Variants in SSBP4 observed in about 807,000 individuals in gnomAD.
The protein encoded by SSBP4 is single-stranded DNA-binding protein 4.
In SSBP4, 33 loss-of-function variants were observed where a neutral mutation model predicts 64.6. That is an observed-to-expected ratio of 0.51 (90% CI 0.39 to 0.68). SSBP4 has a LOEUF of 0.68. Ranked by LOEUF, SSBP4 falls within the 30% of genes least tolerant of loss-of-function variation. The pLI is 0.00. For synonymous variants in SSBP4, 243 were observed against 224.0 expected (o/e 1.08, Z -0.76); for missense variants, 583 against 566.8 (o/e 1.03, Z -0.29).
At chr19:18,410,729 TG>T in the SSBP4 span, among the ~76,000 whole-genome samples, 6 of 151,874 alleles carry the variant, frequency 4.0e-5, no homozygotes, top group Admixed American at 1.3e-4. Context: ...AAGGGGATGC[TG>T]GGGGCGGGAC....
rs1972282784 is a variant in SSBP4, at chr19:18,419,567, C to T, written c.-82C>T. Reference sequence around the variant, plus strand: ...GCTCGGGGCGGTGAGGCCCGGGGCGCGGGGTAGCTATGGCGACGGCAAGCG... The same window carrying T: ...GCTCGGGGCGGTGAGGCCCGGGGCGTGGGGTAGCTATGGCGACGGCAAGCG... On this transcript the variant is annotated 5_prime_UTR_variant, in exon 1 of 18. Transcript: ENST00000270061. 2.5e-6 allele frequency: 3 copies of T among 1,190,228 alleles called. No homozygotes were observed. The highest frequency in any genetic ancestry group is 3.1e-6 in the Non-Finnish European group (3 of 958,232). The allele number at this position is 1,190,228 out of a possible 1,614,324, so 73.7% of individuals were successfully genotyped here. A position where few individuals can be genotyped will look rare whatever the true frequency, so the allele number is the denominator to read the frequency against.
At chr19:18,429,310 G>A (rs545051666) in intron 4 of SSBP4, among the ~76,000 whole-genome samples, 11 of 152,040 alleles carry the variant, frequency 7.2e-5, no homozygotes, top group Admixed American at 1.3e-4. Context: ...AGGAAACGCC[G>A]GAGCGCCCAG....
upstream of SSBP4, among the ~76,000 whole-genome samples, chr19:18,417,537 G>A (rs1252042426): frequency 6.6e-6 from 1 of 152,220 alleles, no homozygotes; most frequent in Non-Finnish European, 1.5e-5. The surrounding 1 kb of genome is among the most constrained non-coding windows in gnomAD (Gnocchi z 5.4). Flanking sequence ...GCTGGCGGGG[G>A]CAGTGGTGGG....
intron 15 of SSBP4, 72 bp downstream of exon 15, chr19:18,433,285 C>CA (rs2048627685): frequency 1.3e-6 from 2 of 1,509,962 alleles, no homozygotes; most frequent in African/African-American, 1.4e-5. Context: ...TTCCCCCTGC[C>CA]GTCAGCCCGC....
chr19:18,416,010 T>C (rs1972128485), upstream of SSBP4, among the ~76,000 whole-genome samples: 1 of 152,052 alleles, frequency 6.6e-6, no homozygotes, highest in South Asian at 2.1e-4. Flanking sequence ...CGGAGCTTCT[T>C]AGGTTTTTTT....
intron 4 of SSBP4, among the ~76,000 whole-genome samples, chr19:18,428,338 C>G (rs1973021958): frequency 6.6e-6 from 1 of 152,220 alleles, no homozygotes; most frequent in African/African-American, 2.4e-5. Context: ...CTTCCCCCTC[C>G]TCTGCCGTGT....
chr19:18,431,245 C>G (rs950059065), intron 5 of SSBP4, 108 bp from the exon 6 acceptor site: 2 of 618,382 alleles, frequency 3.2e-6, no homozygotes, highest in South Asian at 2.0e-5. Flanking sequence ...CACAAGGTCC[C>G]TGTCCCACAG....
upstream of SSBP4, among the ~76,000 whole-genome samples, chr19:18,418,658 T>C (rs1326839159): frequency 6.6e-6 from 1 of 152,198 alleles, no homozygotes; most frequent in Non-Finnish European, 1.5e-5. The surrounding 1 kb of genome is among the most constrained non-coding windows in gnomAD (Gnocchi z 6.7). Flanking sequence ...GCCTGGGTTG[T>C]GTCTGTGTTG....
Position 18,426,467 on chromosome 19 carries a change from A to C in SSBP4, c.60-884A>C, listed in dbSNP as rs1016293826. ...GAGCGGCTCAGTTCCAGGGAGGTCC[A>C]GAAGGGCTGGTGCCACAGGACTGGG... On this transcript the variant is annotated intron_variant, in intron 1 of 17. Transcript: ENST00000270061. The surrounding 1 kb of genome is among the most constrained non-coding windows in gnomAD (Gnocchi z 4.5). Among the ~76,000 whole-genome samples, 1 of 152,210 alleles carries C rather than the reference A, an allele frequency of 6.6e-6. No homozygotes were observed. The highest frequency in any genetic ancestry group is 2.4e-5 in the African/African-American group (1 of 41,450).
chr19:18,429,478 G>GC (rs1357362292), intron 4 of SSBP4, among the ~76,000 whole-genome samples: 1 of 151,304 alleles, frequency 6.6e-6, no homozygotes, highest in Non-Finnish European at 1.5e-5. Flanking sequence ...GGCGGGGGGG[G>GC]GGTGCGGTGG....
At position 18,427,696 on chromosome 19, in the gene SSBP4, G is replaced by C; in HGVS notation, c.133-56G>C. ...CAGATGTTCTCTGGGCACCCTGCTGGGTGGTGGGGCAGGGTCAGGTAGGGC... is the reference window on the plus strand; with the variant it reads ...CAGATGTTCTCTGGGCACCCTGCTGCGTGGTGGGGCAGGGTCAGGTAGGGC... On this transcript the variant is annotated intron_variant, in intron 2 of 17. Transcript: ENST00000270061. This position sits in a 1 kb window ranked among gnomAD's most constrained non-coding sequence, Gnocchi z 4.4. 3.3e-6 allele frequency: 5 copies of C among 1,531,044 alleles called. No individual in the cohort carries two copies. The South Asian group carries it at 6.3e-5, about 19-fold the overall frequency. The allele number at this position is 1,531,044 out of a possible 1,614,324, so 94.8% of individuals were successfully genotyped here.
At chr19:18,431,501 C>CCTGGT (rs1973378162) in intron 6 of SSBP4, 83 bp downstream of exon 6, 3 of 1,249,776 alleles carry the variant, frequency 2.4e-6, no homozygotes, top group Middle Eastern at 2.4e-4. Context: ...GCCATGAGGT[C>CCTGGT]CTGGCTGGTG....
chr19:18,432,519 T>C (rs1362036679), intron 10 of SSBP4, 40 bp from the exon 11 acceptor site: 1 of 1,540,894 alleles, frequency 6.5e-7, no homozygotes, highest in Non-Finnish European at 8.8e-7. Flanking sequence ...GTGATCCACA[T>C]GGACTAGCCC....
In SSBP4 at chr19:18,432,835, C is replaced by T; in HGVS notation, c.793C>T (p.Pro265Ser). ...SSSPGSYTGP[P>S]GGGGPPGTPI... The stretch of plus-strand genomic sequence containing the variant: ...TCCTGTCTCTTGTGTGCAGGGACCC[C>T]CAGGAGGAGGTGGGCCCCCTGGAAC... Residue 265 changes from proline to serine, a missense_variant, in exon 13 of 18, where the codon CCA becomes TCA. Transcript: ENST00000270061. 1.9e-6 allele frequency: 3 copies of T among 1,613,956 alleles called. No individual in the cohort carries two copies. Among genetic ancestry groups the T allele is most frequent in the Middle Eastern group, 1.6e-4 (1 of 6,062 alleles).
At chr19:18,415,502 G>A (rs767555430), upstream of SSBP4, among the ~76,000 whole-genome samples, 13 of 152,192 alleles carry the variant, frequency 8.5e-5, no homozygotes, top group Non-Finnish European at 1.5e-4. Context: ...TATTTCATCC[G>A]AATACTGCCA....
chr19:18,434,159 C>T, intron 17 of SSBP4, 58 bp from the exon 18 acceptor site: 2 of 1,607,468 alleles, frequency 1.2e-6, no homozygotes, highest in Non-Finnish European at 8.5e-7. Flanking sequence ...GGGGCGGGTC[C>T]CAGCCTCTTC....
chr19:18,431,461 T>TC, intron 6 of SSBP4, 43 bp downstream of exon 6: 1 of 1,082,670 alleles, frequency 9.2e-7, no homozygotes, highest in Non-Finnish European at 1.3e-6. Flanking sequence ...ACACATCCCC[T>TC]CCCCCAGCGC....
chr19:18,421,904 T>C (rs1972491394), intron 1 of SSBP4, among the ~76,000 whole-genome samples: 1 of 152,132 alleles, frequency 6.6e-6, no homozygotes, highest in African/African-American at 2.4e-5. Context: ...ACGCCTATAA[T>C]CATCCTAGCA....
chr19:18,427,883 C>T lies in SSBP4; in HGVS notation c.195-15C>T, dbSNP rs1972974900. 7 of 1,613,946 alleles carry T rather than the reference C, an allele frequency of 4.3e-6. No homozygotes were observed. Among genetic ancestry groups the T allele is most frequent in the African/African-American group, 4.0e-5 (3 of 74,904 alleles). ...GGAGGCACGTGGAGCAACCATCTTC[C>T]CCTTTGGCCCACAGCGTCTTCTGGG... is the stretch of plus-strand genomic sequence containing the variant. On this transcript the variant is annotated splice_polypyrimidine_tract_variant and intron_variant, in intron 3 of 17. Transcript: ENST00000270061. This position sits in a 1 kb window ranked among gnomAD's most constrained non-coding sequence, Gnocchi z 4.4.
Sources: allele counts gnomAD v4.1 joint callset (sites outside exome capture counted in the v4.1 genomes callset), GRCh38; gene constraint gnomAD v4.1.1; non-coding constraint Gnocchi (gnomAD v3.1); transcripts MANE v1.5; gene names NCBI Gene and HGNC (gene_info 2026-07-23, HGNC 2026-07-21).